NDC80: variants seen among roughly 807,000 people sequenced by gnomAD.
NDC80 encodes NDC80 kinetochore complex component.
NDC80 carries 69 observed loss-of-function variants against 89.3 expected under a neutral mutation model. The ratio of observed to expected loss-of-function variants is 0.77; its 90% CI spans 0.64 to 0.94. The LOEUF is 0.94. NDC80 is among the 40% of genes least tolerant of loss of function. The pLI is 0.00. For synonymous variants in NDC80, 243 were observed against 255.6 expected, an observed-to-expected ratio of 0.95 and a Z score of 0.47; for missense variants, 593 against 739.6, an observed-to-expected ratio of 0.80 and a Z score of 2.30.
At chr18:2,593,338 T>C (rs2072637654) in intron 10 of NDC80, among the ~76,000 whole-genome samples, 1 of 152,104 alleles carries the variant, frequency 6.6e-6, no homozygotes, top group South Asian at 2.1e-4. Context: ...TTTTTTCACA[T>C]AGTATAAATT....
At chr18:2,585,359 G>A (rs1186298752) in intron 7 of NDC80, among the ~76,000 whole-genome samples, 157 bp downstream of exon 7, 1 of 152,118 alleles carries the variant, frequency 6.6e-6, no homozygotes, top group African/African-American at 2.4e-5. Context: ...CACTTAACCT[G>A]CCAAACGTCA....
intron 16 of NDC80, among the ~76,000 whole-genome samples, chr18:2,611,461 A>G (rs538438736): frequency 2.6e-4 from 40 of 152,362 alleles, no homozygotes; most frequent in African/African-American, 9.1e-4. Flanking sequence ...CTACATACTG[A>G]AAACATATTA....
intron 14 of NDC80, 23 bp from the exon 15 acceptor site, chr18:2,608,677 T>C (rs2143667461): frequency 6.2e-7 from 1 of 1,601,676 alleles, no homozygotes; most frequent in Admixed American, 1.7e-5. Context: ...AAGAAACCCA[T>C]AACCGTGACT....
chr18:2,595,876 T>C (rs2072652506), intron 11 of NDC80, among the ~76,000 whole-genome samples: 1 of 152,198 alleles, frequency 6.6e-6, no homozygotes, highest in Non-Finnish European at 1.5e-5. Flanking sequence ...GAAAATAATG[T>C]TCATAGGTCC....
At chr18:2,601,631 G>C in intron 13 of NDC80, 146 bp downstream of exon 13, 1 of 394,322 alleles carries the variant, frequency 2.5e-6, no homozygotes. Flanking sequence ...GCTCTCGACA[G>C]AAATATTTGA....
intron 3 of NDC80, among the ~76,000 whole-genome samples, chr18:2,576,292 G>T (rs1264847403): frequency 6.6e-6 from 1 of 151,978 alleles, no homozygotes; most frequent in African/African-American, 2.4e-5. Context: ...CCCATTACAT[G>T]GTAACATAAA....
chr18:2,579,873 A>G (rs534968720), intron 6 of NDC80, among the ~76,000 whole-genome samples: 7 of 152,332 alleles, frequency 4.6e-5, no homozygotes, highest in Admixed American at 3.3e-4. Context: ...CCATTTTTCC[A>G]AACTGTTAGC....
intron 11 of NDC80, among the ~76,000 whole-genome samples, chr18:2,597,452 C>T (rs867095818): frequency 3.3e-5 from 5 of 152,160 alleles, no homozygotes; most frequent in Middle Eastern, 3.4e-3. Flanking sequence ...GGATTCGGTC[C>T]GGATGCAGTG....
intron 16 of NDC80, among the ~76,000 whole-genome samples, chr18:2,614,280 T>C (rs2072759779): frequency 1.3e-5 from 2 of 151,588 alleles, no homozygotes; most frequent in Admixed American, 1.3e-4. Context: ...CTACTAAAAA[T>C]ACAAAAATTA....
intron 11 of NDC80, among the ~76,000 whole-genome samples, chr18:2,598,487 C>G (rs2143656028): frequency 6.6e-6 from 1 of 152,126 alleles, no homozygotes; most frequent in Non-Finnish European, 1.5e-5. Context: ...TAGGGGAAAG[C>G]CTTTCTGATG....
intron 11 of NDC80, among the ~76,000 whole-genome samples, chr18:2,596,489 C>G (rs1317533170): frequency 2.7e-5 from 4 of 150,664 alleles, no homozygotes; most frequent in Non-Finnish European, 4.4e-5. Flanking sequence ...CCATCTCACA[C>G]CAGTTAGAAT....
At chr18:2,610,583 T>C (rs1401687127) in intron 15 of NDC80, among the ~76,000 whole-genome samples, 176 bp from the exon 16 acceptor site, 1 of 152,246 alleles carries the variant, frequency 6.6e-6, no homozygotes, top group East Asian at 1.9e-4. Flanking sequence ...TGAAAATGTT[T>C]ATATTTCTCT....
intron 10 of NDC80, chr18:2,593,819 G>A (rs569343370): frequency 3.2e-5 from 9 of 284,702 alleles, no homozygotes; most frequent in South Asian, 7.7e-5. Flanking sequence ...GAATATTTCC[G>A]TCATTTATAA....
chr18:2,577,321 TC>T (rs1157444394), intron 3 of NDC80: 3 of 160,296 alleles, frequency 1.9e-5, no homozygotes, highest in Middle Eastern at 3.2e-3. Flanking sequence ...TTCAAGCAAT[TC>T]TCCTGCCTCA....
chr18:2,595,065 TGTA>T (rs1200011424), intron 10 of NDC80, among the ~76,000 whole-genome samples: 1 of 151,938 alleles, frequency 6.6e-6, no homozygotes, highest in Non-Finnish European at 1.5e-5. Flanking sequence ...TTTTTTTTCA[TGTA>T]GTACTTTTTG....
intron 14 of NDC80, among the ~76,000 whole-genome samples, chr18:2,607,824 C>T (rs2072720217): frequency 6.6e-6 from 1 of 150,658 alleles, no homozygotes; most frequent in South Asian, 2.1e-4. Flanking sequence ...GATATACAAA[C>T]ATATATTTTT....
chr18:2,616,330 T>C, intron 16 of NDC80, 107 bp from the exon 17 acceptor site: 1 of 797,798 alleles, frequency 1.3e-6, no homozygotes, highest in Non-Finnish European at 1.8e-6. Context: ...CGGCCCTTTT[T>C]ATTCTTAACT....
chr18:2,594,310 A>T (rs1287578892), intron 10 of NDC80: 2 of 152,866 alleles, frequency 1.3e-5, no homozygotes, highest in Non-Finnish European at 2.9e-5. Context: ...TAACCACAAG[A>T]AGGCAATCTA....
intron 6 of NDC80, among the ~76,000 whole-genome samples, chr18:2,579,938 T>A (rs1167313383): frequency 6.6e-6 from 1 of 152,198 alleles, no homozygotes; most frequent in African/African-American, 2.4e-5. Context: ...CTTGTTTATA[T>A]ATAAATGTGT....
Sources: gnomAD v4.1 joint callset for allele counts (sites outside exome capture counted in the v4.1 genomes callset) on GRCh38, gnomAD v4.1.1 for gene constraint, MANE v1.5 for transcripts, NCBI Gene and HGNC (gene_info 2026-07-23, HGNC 2026-07-21) for gene names.